ALMS1: variants seen among roughly 807,000 people sequenced by gnomAD.
ALMS1 encodes the protein centrosome-associated protein ALMS1.
In ALMS1, 271 loss-of-function variants were observed where a neutral mutation model predicts 352.2. The observed-to-expected ratio is 0.77, with a 90% CI of 0.70 to 0.85. ALMS1 has a LOEUF of 0.85. Among genes scored for constraint, ALMS1 ranks in the 40% least tolerant of loss-of-function variants. The probability of loss-of-function intolerance (pLI) is 0.00; values close to 1 mark genes in which losing one functional copy is unlikely to be tolerated. For synonymous variants in ALMS1, 1,865 were observed against 1,761.2 expected, an observed-to-expected ratio of 1.06 and a Z score of -1.48; for missense variants, 5,445 against 4,870.7, an observed-to-expected ratio of 1.12 and a Z score of -3.51.
At chr2:73,475,875 A>C (rs1045076447) in intron 9 of ALMS1, among the ~76,000 whole-genome samples, 2 of 152,070 alleles carry the variant, frequency 1.3e-5, no homozygotes, top group Non-Finnish European at 1.5e-5. Context: ...GAGGCAATTA[A>C]AATTTTTATT....
intron 11 of ALMS1, among the ~76,000 whole-genome samples, chr2:73,525,627 A>G (rs186702312): frequency 3.3e-4 from 50 of 152,044 alleles, no homozygotes; most frequent in Non-Finnish European, 1.6e-4. Context: ...TTGGATTATT[A>G]GATTTTTTTT....
At chr2:73,551,593 C>T (rs1276399512) in intron 13 of ALMS1, among the ~76,000 whole-genome samples, 1 of 151,822 alleles carries the variant, frequency 6.6e-6, no homozygotes, top group African/African-American at 2.4e-5. Flanking sequence ...CGCCTCCACA[C>T]CCAGCTAATT....
intron 12 of ALMS1, among the ~76,000 whole-genome samples, chr2:73,539,930 A>G (rs992687492): frequency 1.3e-5 from 2 of 152,252 alleles, no homozygotes; most frequent in Non-Finnish European, 2.9e-5. Flanking sequence ...GAATGGAACC[A>G]AGTTGGAAAA....
chr2:73,434,024 A>G (rs1671562119), intron 7 of ALMS1, among the ~76,000 whole-genome samples: 1 of 151,278 alleles, frequency 6.6e-6, no homozygotes, highest in Admixed American at 6.6e-5. Flanking sequence ...ATCTAGTTAA[A>G]TTTTGTCAAT....
At chr2:73,493,192 A>G (rs980519611) in intron 10 of ALMS1, among the ~76,000 whole-genome samples, 1 of 151,944 alleles carries the variant, frequency 6.6e-6, no homozygotes, top group Non-Finnish European at 1.5e-5. Context: ...ACTTAGTGTA[A>G]TAATCAGAAA....
intron 16 of ALMS1, among the ~76,000 whole-genome samples, chr2:73,575,854 T>G (rs895029650): frequency 6.1e-5 from 3 of 48,842 alleles, no homozygotes; most frequent in Non-Finnish European, 1.1e-4. Context: ...ATTTAGCTAT[T>G]TTTTTTTTGT....
intron 16 of ALMS1, among the ~76,000 whole-genome samples, chr2:73,589,942 C>A (rs886813039): frequency 6.6e-6 from 1 of 152,192 alleles, no homozygotes; most frequent in Admixed American, 6.5e-5. Context: ...CATATTCCTA[C>A]CTGCAGTGCA....
At chr2:73,591,673 A>T (rs1423801811) in intron 16 of ALMS1, among the ~76,000 whole-genome samples, 1 of 152,212 alleles carries the variant, frequency 6.6e-6, no homozygotes, top group Non-Finnish European at 1.5e-5. Context: ...CCATGAGGAT[A>T]TCATGAGTGA....
chr2:73,602,438 C>T, intron 20 of ALMS1, 70 bp downstream of exon 20: 32 of 1,590,602 alleles, frequency 2.0e-5, no homozygotes, highest in South Asian at 3.4e-5. Flanking sequence ...TGCTGCAGAG[C>T]CCTGCTAAAG....
Position 73,568,995 on chromosome 2 carries a change from C to CTTTTTTT in ALMS1, c.10385-3236_10385-3230dup, listed in dbSNP as rs747436819. 4.6e-3 allele frequency among the ~76,000 whole-genome samples: 244 copies of CTTTTTTT among 53,560 alleles called. 76 individuals are homozygous for CTTTTTTT. The highest frequency in any genetic ancestry group is 0.012 in the East Asian group (24 of 1,976). 35.1% of individuals were successfully genotyped at this position (53,560 alleles called of 152,430 possible). The stretch of plus-strand genomic sequence containing the variant: ...AGCTTGCTTGCTGCTGCTTCTGCTT[C>CTTTTTTT]TTTTTTTTTTTTTTTTTTTTTTTTT... On this transcript the variant is annotated intron_variant, in intron 15 of 22. Transcript: ENST00000613296.
At chr2:73,502,433 A>G (rs1307123285) in intron 10 of ALMS1, among the ~76,000 whole-genome samples, 4 of 152,114 alleles carry the variant, frequency 2.6e-5, no homozygotes, top group Non-Finnish European at 4.4e-5. Flanking sequence ...TGGCTAGAAC[A>G]TTGAATATGA....
In ALMS1 at chr2:73,585,726, C is replaced by CTTTTTTT. The variant is rs58089734; in HGVS notation, c.11547+12311_11547+12317dup. Among the ~76,000 whole-genome samples, 312 of 119,488 alleles carry CTTTTTTT rather than the reference C, an allele frequency of 2.6e-3. 4 individuals are homozygous for CTTTTTTT. Among genetic ancestry groups the CTTTTTTT allele is most frequent in the Middle Eastern group, 4.8e-3 (1 of 210 alleles). The allele number at this position is 119,488 out of a possible 152,430, so 78.4% of individuals were successfully genotyped here. A position where few individuals can be genotyped will look rare whatever the true frequency, so the allele number is the denominator to read the frequency against. The stretch of plus-strand genomic sequence containing the variant: ...ATCATTTTTGCATACACTTCTTGGC[C>CTTTTTTT]TTTTTTTTTTTTTTTCCCCGAGACG... On this transcript the variant is annotated intron_variant, in intron 16 of 22. Transcript: ENST00000613296.
chr2:73,426,612 G>A, intron 6 of ALMS1, 59 bp downstream of exon 6: 1 of 1,519,556 alleles, frequency 6.6e-7, no homozygotes, highest in African/African-American at 1.4e-5. Flanking sequence ...ATTGTTTCAG[G>A]AAATGGTATT....
At chr2:73,570,715 C>T (rs1320055815) in intron 15 of ALMS1, among the ~76,000 whole-genome samples, 1 of 152,120 alleles carries the variant, frequency 6.6e-6, no homozygotes, top group East Asian at 1.9e-4. Context: ...AGTTGGGTTC[C>T]AGAGCAGCAT....
At chr2:73,559,229 A>C in intron 15 of ALMS1, 87 bp downstream of exon 15, 1 of 1,496,074 alleles carries the variant, frequency 6.7e-7, no homozygotes, top group Non-Finnish European at 9.1e-7. Flanking sequence ...TTCTGATGAG[A>C]ATATAGCCTC....
chr2:73,527,225 GTTTTC>G lies in ALMS1; in HGVS notation c.9781+7219_9781+7223del, dbSNP rs1167901717. ...TATTCATGAGGGAGATTGGCCTGTAGTTTTCTTTTCTTTTTTCTCTTTTTTTTTTT... is the reference window on the plus strand; with the variant it reads ...TATTCATGAGGGAGATTGGCCTGTAGTTTTCTTTTTTCTCTTTTTTTTTTT... On this transcript the variant is annotated intron_variant, in intron 11 of 22. Coordinates refer to ENST00000613296, the MANE Select transcript of ALMS1 (RefSeq NM_001378454.1). 1.2e-4 allele frequency among the ~76,000 whole-genome samples: 18 copies of G among 149,896 alleles called. No individual in the cohort carries two copies. The East Asian group carries it at 3.5e-3, about 29-fold the overall frequency.
chr2:73,599,290 T>C, intron 16 of ALMS1, 111 bp from the exon 17 acceptor site: 3 of 1,397,752 alleles, frequency 2.1e-6, no homozygotes, highest in South Asian at 1.2e-5. Flanking sequence ...TCCAAATGCA[T>C]CTCAACAGTT....
intron 10 of ALMS1, among the ~76,000 whole-genome samples, chr2:73,503,702 T>A (rs746420938): frequency 8.5e-5 from 13 of 152,198 alleles, no homozygotes; most frequent in Admixed American, 2.0e-4. Context: ...TGAACTAGTT[T>A]ACAGTCCCAC....
At chr2:73,554,454 C>G (rs899422393) in intron 13 of ALMS1, among the ~76,000 whole-genome samples, 1 of 151,896 alleles carries the variant, frequency 6.6e-6, no homozygotes, top group Non-Finnish European at 1.5e-5. Context: ...ACCTGAAATC[C>G]CAGCAGTTTG....
Sources: allele counts gnomAD v4.1 joint callset (sites outside exome capture counted in the v4.1 genomes callset), GRCh38; gene constraint gnomAD v4.1.1; transcripts MANE v1.5; gene names NCBI Gene and HGNC (gene_info 2026-07-23, HGNC 2026-07-21).